KCNJ6: variants seen among roughly 807,000 people sequenced by gnomAD.
KCNJ6 encodes G protein-activated inward rectifier potassium channel 2.
In KCNJ6, 9 loss-of-function variants were observed where a neutral mutation model predicts 34.2. That is an observed-to-expected ratio of 0.26 (90% CI 0.16 to 0.46). The LOEUF (loss-of-function observed/expected upper bound fraction) is 0.46. Among genes scored for constraint, KCNJ6 ranks in the 20% least tolerant of loss-of-function variants. The pLI is 1.00. For synonymous variants in KCNJ6, 196 were observed against 207.1 expected, an observed-to-expected ratio of 0.95 and a Z score of 0.46; for missense variants, 236 against 531.3, an observed-to-expected ratio of 0.44 and a Z score of 5.46.
At chr21:37,673,904 A>G (rs894804394) in intron 3 of KCNJ6, among the ~76,000 whole-genome samples, 2 of 152,264 alleles carry the variant, frequency 1.3e-5, no homozygotes, top group Admixed American at 1.3e-4. Flanking sequence ...GGGAGAGAAG[A>G]TGGCCAAAGA....
intron 3 of KCNJ6, among the ~76,000 whole-genome samples, chr21:37,676,972 T>C (rs551199296): frequency 6.6e-6 from 1 of 152,280 alleles, no homozygotes; most frequent in South Asian, 2.1e-4. Flanking sequence ...CCTGAGACCT[T>C]ATTAGGAGTG....
chr21:37,767,817 C>T (rs567905389), intron 2 of KCNJ6, among the ~76,000 whole-genome samples: 279 of 152,046 alleles, frequency 1.8e-3, no homozygotes, highest in Non-Finnish European at 2.4e-3. Context: ...TTTGAGAAAT[C>T]GTGAGAGGGG....
intron 1 of KCNJ6, among the ~76,000 whole-genome samples, chr21:37,844,165 T>C (rs1036873471): frequency 6.6e-6 from 1 of 151,838 alleles, no homozygotes; most frequent in African/African-American, 2.4e-5. Context: ...TTCAAGCAAT[T>C]TTCCTGCCTT....
chr21:37,758,468 G>A (rs1461955682), intron 2 of KCNJ6, among the ~76,000 whole-genome samples: 2 of 152,154 alleles, frequency 1.3e-5, no homozygotes, highest in Admixed American at 6.5e-5. Context: ...TCCCTCATTT[G>A]TAGTGTTTGC....
intron 2 of KCNJ6, among the ~76,000 whole-genome samples, chr21:37,765,467 G>T (rs537023300): frequency 6.6e-6 from 1 of 152,184 alleles, no homozygotes; most frequent in African/African-American, 2.4e-5. Flanking sequence ...GGCATCTAGA[G>T]GGTGGAGGCC....
rs543016642 is a variant in KCNJ6, at chr21:37,611,327, G to C, written c.*13832C>G. The C allele has an allele frequency of 1.3e-5, 2 of 152,298 alleles. No individual in the cohort carries two copies. Among genetic ancestry groups the C allele is most frequent in the East Asian group, 3.9e-4 (2 of 5,190 alleles). The allele number at this position is 152,298 out of a possible 1,614,324, so 9.4% of individuals were successfully genotyped here. A position where few individuals can be genotyped will look rare whatever the true frequency, so the allele number is the denominator to read the frequency against. On this transcript the variant is annotated 3_prime_UTR_variant, in exon 4 of 4. Transcript: ENST00000609713. ...AGACAATCTGAATAGGTATATCTCT[G>C]TTAAATAATTTGAATCAATGGTTAG...
Position 37,614,272 on chromosome 21 carries a change from A to G in KCNJ6, c.*10887T>C, listed in dbSNP as rs745844357. 6.6e-5 allele frequency: 10 copies of G among 152,210 alleles called. No homozygotes were observed. Among genetic ancestry groups the G allele is most frequent in the Non-Finnish European group, 1.5e-4 (10 of 68,046 alleles). The allele number at this position is 152,210 out of a possible 1,614,324, so 9.4% of individuals were successfully genotyped here. A position where few individuals can be genotyped will look rare whatever the true frequency, so the allele number is the denominator to read the frequency against. Reference sequence around the variant, plus strand: ...CATTTTTAAAATAATGCCACAGTGCATGCAGGGGAGGAACGCCAATCTTAA... The same window carrying G: ...CATTTTTAAAATAATGCCACAGTGCGTGCAGGGGAGGAACGCCAATCTTAA... On this transcript the variant is annotated 3_prime_UTR_variant, in exon 4 of 4. Transcript: ENST00000609713.
intron 1 of KCNJ6, among the ~76,000 whole-genome samples, chr21:37,864,752 A>G (rs2055613441): frequency 6.6e-6 from 1 of 152,208 alleles, no homozygotes; most frequent in African/African-American, 2.4e-5. Context: ...CTCCTCTAAA[A>G]ATGAGTAGAG....
At chr21:37,825,699 AATTT>A (rs1182706069) in intron 2 of KCNJ6, among the ~76,000 whole-genome samples, 1 of 152,154 alleles carries the variant, frequency 6.6e-6, no homozygotes, top group Non-Finnish European at 1.5e-5. Context: ...AAGACTGGGT[AATTT>A]ATATAGAAAA....
At chr21:37,797,396 G>A (rs945103352) in intron 2 of KCNJ6, among the ~76,000 whole-genome samples, 2 of 152,178 alleles carry the variant, frequency 1.3e-5, no homozygotes, top group Admixed American at 6.5e-5. Flanking sequence ...TTTAGTGTGA[G>A]TTATAAACAA....
rs1387015118 is a variant in KCNJ6, at chr21:37,615,613, C to T, written c.*9546G>A. On this transcript the variant is annotated 3_prime_UTR_variant, in exon 4 of 4. Transcript: ENST00000609713. ...AAAGCCAGATGGAAAATGGCAAGTT[C>T]AAGAAGAAATAGTATTCTGGAACTT... 6.6e-6 allele frequency: 1 copy of T among 152,104 alleles called. No individual in the cohort carries two copies. Among genetic ancestry groups the T allele is most frequent in the Non-Finnish European group, 1.5e-5 (1 of 68,006 alleles). The allele number at this position is 152,104 out of a possible 1,614,324, so 9.4% of individuals were successfully genotyped here.
At chr21:37,665,202 A>C (rs1787398) in intron 3 of KCNJ6, among the ~76,000 whole-genome samples, 87,656 of 151,952 alleles carry the variant, frequency 0.58, 25,545 homozygotes, top group East Asian at 0.85. Flanking sequence ...GAATAGAAGT[A>C]TCTTGCAGCA....
At chr21:37,750,112 A>C (rs1377874332) in intron 2 of KCNJ6, among the ~76,000 whole-genome samples, 2 of 152,248 alleles carry the variant, frequency 1.3e-5, no homozygotes, top group Non-Finnish European at 2.9e-5. Context: ...TATGCAGCCA[A>C]CAAACATATG....
In KCNJ6 at chr21:37,610,453, G is replaced by A. The variant is rs954839708; in HGVS notation, c.*14706C>T. On this transcript the variant is annotated 3_prime_UTR_variant, in exon 4 of 4. Transcript: ENST00000609713. ...ATCTCTATTAAAAATACAAAAATTAGCCAGGTTTGGTGGTGGGCACCTGTA... is the reference window on the plus strand; with the variant it reads ...ATCTCTATTAAAAATACAAAAATTAACCAGGTTTGGTGGTGGGCACCTGTA... 6.6e-6 allele frequency: 1 copy of A among 151,962 alleles called. No homozygotes were observed. The highest frequency in any genetic ancestry group is 1.5e-5 in the Non-Finnish European group (1 of 68,028). The allele number at this position is 151,962 out of a possible 1,614,324, so 9.4% of individuals were successfully genotyped here. A position where few individuals can be genotyped will look rare whatever the true frequency, so the allele number is the denominator to read the frequency against.
chr21:37,708,490 G>A (rs2054732824), intron 3 of KCNJ6, among the ~76,000 whole-genome samples: 1 of 152,174 alleles, frequency 6.6e-6, no homozygotes, highest in South Asian at 2.1e-4. Context: ...GAATAAATGA[G>A]CTACACTTAA....
chr21:37,877,164 C>A (rs763088979), intron 1 of KCNJ6, among the ~76,000 whole-genome samples: 1 of 152,126 alleles, frequency 6.6e-6, no homozygotes, highest in Non-Finnish European at 1.5e-5. Flanking sequence ...CCCACCAACG[C>A]CTAATTGGGG....
intron 2 of KCNJ6, among the ~76,000 whole-genome samples, chr21:37,776,294 CAG>C (rs1207283679): frequency 1.3e-5 from 2 of 152,204 alleles, no homozygotes; most frequent in Admixed American, 6.5e-5. Flanking sequence ...CATCTGCAAA[CAG>C]GGACAATTTG....
At chr21:37,650,910 G>A (rs1378069608) in intron 3 of KCNJ6, among the ~76,000 whole-genome samples, 6 of 152,046 alleles carry the variant, frequency 3.9e-5, no homozygotes, top group Non-Finnish European at 7.4e-5. Context: ...GATAATACTC[G>A]ATGACAACTC....
chr21:37,826,187 G>A (rs1049146942), intron 2 of KCNJ6, among the ~76,000 whole-genome samples: 1 of 148,796 alleles, frequency 6.7e-6, no homozygotes, highest in African/African-American at 2.6e-5. Flanking sequence ...GTACCCTGGG[G>A]TCAATAATAA....
Sources: allele counts gnomAD v4.1 joint callset (sites outside exome capture counted in the v4.1 genomes callset), GRCh38; gene constraint gnomAD v4.1.1; transcripts MANE v1.5; gene names NCBI Gene and HGNC (gene_info 2026-07-23, HGNC 2026-07-21).